SLC25A34: variants seen among roughly 807,000 people sequenced by gnomAD.
The protein encoded by SLC25A34 is solute carrier family 25 member 34, also known as solute carrier family 25, member 34.
Under a neutral mutation model 28.1 loss-of-function variants are expected in SLC25A34, and 26 were observed. That is an observed-to-expected ratio of 0.93 (90% CI 0.68 to 1.28). The LOEUF (loss-of-function observed/expected upper bound fraction) is 1.28. SLC25A34 is among the 50% of genes most tolerant of loss of function. The pLI, the probability that SLC25A34 is intolerant of heterozygous loss-of-function variation, is 0.00. For missense variants in SLC25A34, 384 were observed against 409.8 expected (o/e 0.94, Z 0.54); for synonymous variants, 182 against 182.2 (o/e 1.00, Z 0.01).
intron 4 of SLC25A34, 107 bp from the exon 5 acceptor site, chr1:15,739,117 G>A: frequency 7.3e-7 from 1 of 1,373,510 alleles, no homozygotes; most frequent in Non-Finnish European, 1.0e-6. Flanking sequence ...ATACAAAGGT[G>A]CTGTCCATAG....
chr1:15,738,266 G>A, intron 3 of SLC25A34, 21 bp downstream of exon 3: 3 of 1,576,368 alleles, frequency 1.9e-6, no homozygotes, highest in Non-Finnish European at 2.6e-6. Context: ...GGGGACACCT[G>A]TGCCTATCCA....
At position 15,738,203 on chromosome 1, in the gene SLC25A34, G is replaced by A. The variant is rs765687563; in HGVS notation, c.555G>A (p.Leu185=). ...PRVMVGSAAQ[L]ATFASAKAWV... ...TCATGGTGGGCTCAGCTGCCCAGCT[G>A]GCCACCTTCGCCTCTGCCAAGGCCT... The change falls in exon 3 of 5, where the codon CTG becomes CTA. Residue 185 remains leucine (L), a synonymous_variant. Transcript: ENST00000294454. 3 of 1,604,232 alleles carry A rather than the reference G, an allele frequency of 1.9e-6. No individual in the cohort carries two copies. The African/African-American group carries it at 4.0e-5, about 21-fold the overall frequency.
chr1:15,738,067 A>G, intron 2 of SLC25A34, 26 bp from the exon 3 acceptor site: 2 of 1,612,286 alleles, frequency 1.2e-6, no homozygotes, highest in Non-Finnish European at 1.7e-6. Flanking sequence ...AGGGGTGGCC[A>G]GTGACCCCGT....
At chr1:15,739,010 A>C (rs575998585) in intron 4 of SLC25A34, 4 of 640,640 alleles carry the variant, frequency 6.2e-6, no homozygotes, top group Non-Finnish European at 7.7e-6. Flanking sequence ...ACTGACTTGC[A>C]TGAGTTCCCC....
Position 15,739,433 on chromosome 1 carries a change from ACACGGCCGG to A in SLC25A34, c.*31_*39del, listed in dbSNP as rs2068260064. Reference sequence around the variant, plus strand: ...CGACGGCCCTCACCCCCACGTCCTGACACGGCCGGCACTTGGCCGGAAGTGAGAGCCTGC... The same window carrying A: ...CGACGGCCCTCACCCCCACGTCCTGACACTTGGCCGGAAGTGAGAGCCTGC... On this transcript the variant is annotated 3_prime_UTR_variant, in exon 5 of 5. Coordinates refer to ENST00000294454, the MANE Select transcript of SLC25A34 (RefSeq NM_207348.3). The A allele has an allele frequency of 6.7e-7, 1 of 1,489,440 alleles. No homozygotes were observed. The highest frequency in any genetic ancestry group is 8.9e-7 in the Non-Finnish European group (1 of 1,120,714). The allele number at this position is 1,489,440 out of a possible 1,614,324, so 92.3% of individuals were successfully genotyped here.
chr1:15,738,835 C>A, intron 4 of SLC25A34, 107 bp downstream of exon 4: 1 of 1,338,546 alleles, frequency 7.5e-7, no homozygotes, highest in Non-Finnish European at 9.7e-7. Context: ...CATGCACAGC[C>A]AGAGACACGC....
At chr1:15,739,075 C>G in intron 4 of SLC25A34, 149 bp from the exon 5 acceptor site, 1 of 1,028,476 alleles carries the variant, frequency 9.7e-7, no homozygotes, top group Non-Finnish European at 1.4e-6. Flanking sequence ...CCACAGCCTT[C>G]CCATGGCGCC....
At position 15,738,134 on chromosome 1, in the gene SLC25A34, G is replaced by T. The variant is rs2068243754; in HGVS notation, c.486G>T (p.Gly162=). ...TGGAGACCATCTGGCGGCAGCAAGG[G>T]CTCTTGGGGCTGTGGCAGGGCGTTG... ...GALETIWRQQ[G]LLGLWQGVGG... Residue 162 remains glycine, a synonymous_variant, in exon 3 of 5, where the codon GGG becomes GGT. Transcript: ENST00000294454. 1.9e-6 allele frequency: 3 copies of T among 1,606,708 alleles called. No individual in the cohort carries two copies. The highest frequency in any genetic ancestry group is 1.7e-4 in the Middle Eastern group (1 of 6,058).
At position 15,740,203 on chromosome 1, in the gene SLC25A34, C is replaced by T. The variant is rs1167930738; in HGVS notation, c.*797C>T. The T allele has an allele frequency of 6.6e-6, 1 of 152,068 alleles. No individual in the cohort carries two copies. The highest frequency in any genetic ancestry group is 1.5e-5 in the Non-Finnish European group (1 of 68,032). The allele number at this position is 152,068 out of a possible 1,614,324, so 9.4% of individuals were successfully genotyped here. A position where few individuals can be genotyped will look rare whatever the true frequency, so the allele number is the denominator to read the frequency against. ...CACATGGTGGTCCCTCGATGTGCGT[C>T]TGGGTCCTGATCTCCTCCTCTTATA... On this transcript the variant is annotated 3_prime_UTR_variant, in exon 5 of 5. Transcript: ENST00000294454.
intron 4 of SLC25A34, 138 bp from the exon 5 acceptor site, chr1:15,739,086 G>A (rs1015029244): frequency 5.4e-6 from 6 of 1,120,616 alleles, no homozygotes; most frequent in East Asian, 5.4e-5. Context: ...CCATGGCGCC[G>A]CAGCCTCACA....
chr1:15,738,102 G>A lies in SLC25A34; in HGVS notation c.454G>A (p.Gly152Ser), dbSNP rs1481046541. 12 of 1,607,574 alleles carry A rather than the reference G, an allele frequency of 7.5e-6. No homozygotes were observed. Among genetic ancestry groups the A allele is most frequent in the Non-Finnish European group, 1.0e-5 (12 of 1,175,864 alleles). The change falls in exon 3 of 5, where the codon GGT becomes AGT. Residue 152 changes from glycine to serine, a missense_variant. Coordinates refer to ENST00000294454, the MANE Select transcript of SLC25A34 (RefSeq NM_207348.3). ...GHQHNHQTVL[G>S]ALETIWRQQG... ...TGCCCTCTCCCCACAGACTGTCCTGGGTGCCTTGGAGACCATCTGGCGGCA... is the reference window on the plus strand; with the variant it reads ...TGCCCTCTCCCCACAGACTGTCCTGAGTGCCTTGGAGACCATCTGGCGGCA...
Position 15,739,248 on chromosome 1 carries a change from G to T in SLC25A34, c.757G>T (p.Asp253Tyr), listed in dbSNP as rs534115268. 14 of 1,612,326 alleles carry T rather than the reference G, an allele frequency of 8.7e-6. No homozygotes were observed. In the Admixed American group the frequency reaches 2.3e-4, roughly 27 times the overall value. Residue 253 changes from aspartate (D) to tyrosine (Y), a missense_variant, in exon 5 of 5, where the codon GAC becomes TAC. By Grantham distance (160) the Asp-to-Tyr change is radical (BLOSUM62 -3). Coordinates refer to ENST00000294454, the MANE Select transcript of SLC25A34 (RefSeq NM_207348.3). The part of the protein sequence containing the change: ...GRGQLYGGLT[D>Y]CMVKIWRQEG... Reference sequence around the variant, plus strand: ...GGGCCAGCTCTATGGGGGCCTCACCGACTGCATGGTGAAGATCTGGCGGCA... The same window carrying T: ...GGGCCAGCTCTATGGGGGCCTCACCTACTGCATGGTGAAGATCTGGCGGCA...
chr1:15,738,116 C>T lies in SLC25A34; in HGVS notation c.468C>T (p.Thr156=), dbSNP rs575582816. The part of the protein sequence containing the change: ...NHQTVLGALE[T]IWRQQGLLGL... ...AGACTGTCCTGGGTGCCTTGGAGAC[C>T]ATCTGGCGGCAGCAAGGGCTCTTGG... The change falls in exon 3 of 5, where the codon ACC becomes ACT. Residue 156 remains threonine, a synonymous_variant. Coordinates refer to ENST00000294454, the MANE Select transcript of SLC25A34 (RefSeq NM_207348.3). 10 of 1,605,148 alleles carry T rather than the reference C, an allele frequency of 6.2e-6. No individual in the cohort carries two copies. Among genetic ancestry groups the T allele is most frequent in the African/African-American group, 4.0e-5 (3 of 74,882 alleles).
Position 15,739,318 on chromosome 1 carries a change from T to C in SLC25A34, c.827T>C (p.Leu276Pro), listed in dbSNP as rs1460115719. 6.2e-7 allele frequency: 1 copy of C among 1,610,412 alleles called. No individual in the cohort carries two copies. The highest frequency in any genetic ancestry group is 1.7e-5 in the Admixed American group (1 of 59,504). ...TACAAGGGCCTGGGCCCCGCCTACC[T>C]GCGCCTGGGCCCCCACACCATCCTC... ...ALYKGLGPAY[L>P]RLGPHTILSM... The change falls in exon 5 of 5, where the codon CTG becomes CCG. Residue 276 changes from leucine (L) to proline (P), a missense_variant. Transcript: ENST00000294454.
In SLC25A34 at chr1:15,741,249, CCAA is replaced by C. The variant is rs2068277699; in HGVS notation, c.*1845_*1847del. On this transcript the variant is annotated 3_prime_UTR_variant, in exon 5 of 5. Transcript: ENST00000294454. ...GACCTTCACACTGCAGAGATGGATG[CCAA>C]CTCCCTGGCAGGGGCAGGACTGCTG... 6.5e-6 allele frequency: 1 copy of C among 152,740 alleles called. No individual in the cohort carries two copies. Among genetic ancestry groups the C allele is most frequent in the Non-Finnish European group, 1.5e-5 (1 of 68,178 alleles). The allele number at this position is 152,740 out of a possible 1,614,324, so 9.5% of individuals were successfully genotyped here. A position where few individuals can be genotyped will look rare whatever the true frequency, so the allele number is the denominator to read the frequency against.
intron 4 of SLC25A34, 177 bp downstream of exon 4, chr1:15,738,905 C>T: frequency 5.1e-6 from 4 of 785,948 alleles, no homozygotes; most frequent in Non-Finnish European, 7.4e-6. Flanking sequence ...CCCCGGGTCC[C>T]AGGCACAGGC....
chr1:15,738,059 G>C, intron 2 of SLC25A34, 34 bp from the exon 3 acceptor site: 1 of 1,612,966 alleles, frequency 6.2e-7, no homozygotes, highest in Non-Finnish European at 8.5e-7. Context: ...GCCTAGGCAG[G>C]GGTGGCCAGT....
rs748510625 is a variant in SLC25A34 at position 15,738,735 on chromosome 1, A to G, written c.732+7A>G. 5 of 1,562,984 alleles carry G rather than the reference A, an allele frequency of 3.2e-6. No homozygotes were observed. The Admixed American group carries it at 9.0e-5, about 28-fold the overall frequency. On this transcript the variant is annotated splice_region_variant and intron_variant, in intron 4 of 4. Transcript: ENST00000294454. ...GGTGGACACAGCTGGCAGGGTGAGCAGGGGCGGGTCTAGGGGAGACCGTGG... is the reference window on the plus strand; with the variant it reads ...GGTGGACACAGCTGGCAGGGTGAGCGGGGGCGGGTCTAGGGGAGACCGTGG...
In SLC25A34 at chr1:15,740,889, G is replaced by C. The variant is rs2068273781; in HGVS notation, c.*1483G>C. The C allele has an allele frequency of 6.6e-6, 1 of 152,082 alleles. No homozygotes were observed. Among genetic ancestry groups the C allele is most frequent in the Non-Finnish European group, 1.5e-5 (1 of 68,056 alleles). The allele number at this position is 152,082 out of a possible 1,614,324, so 9.4% of individuals were successfully genotyped here. ...TTTTTAGTAGAGACAGGCTTTCGCT[G>C]TGTTGGCCAGGCTGGTCTTGAATGC... On this transcript the variant is annotated 3_prime_UTR_variant, in exon 5 of 5. Transcript: ENST00000294454.
Sources: gnomAD v4.1 joint callset for allele counts on GRCh38, gnomAD v4.1.1 for gene constraint, MANE v1.5 for transcripts, NCBI Gene and HGNC (gene_info 2026-07-23, HGNC 2026-07-21) for gene names.